Variants in VANGL1 observed in about 807,000 individuals in gnomAD.
VANGL1 encodes vang-like protein 1.
In VANGL1, 18 loss-of-function variants were observed where a neutral mutation model predicts 48.4. The ratio of observed to expected loss-of-function variants is 0.37; its 90% CI spans 0.26 to 0.55. The LOEUF (loss-of-function observed/expected upper bound fraction) is 0.55, where lower values mean the gene tolerates loss of function less well. VANGL1 is among the 20% of genes least tolerant of loss of function. VANGL1 has a pLI of 0.81. For missense variants in VANGL1, 667 were observed against 675.8 expected (o/e 0.99, Z 0.14); for synonymous variants, 257 against 261.8 (o/e 0.98, Z 0.18).
Position 115,663,694 on chromosome 1 carries a change from A to G in VANGL1, c.238A>G (p.Thr80Ala). The G allele has an allele frequency of 6.2e-7, 1 of 1,614,178 alleles. No homozygotes were observed. Among genetic ancestry groups the G allele is most frequent in the Non-Finnish European group, 8.5e-7 (1 of 1,180,032 alleles). ...DNWGETTTAI[T>A]GTSEHSISQE... ...CTGGGGAGAGACCACCACGGCCATCACAGGCACCTCGGAGCACAGCATATC... is the reference window on the plus strand; with the variant it reads ...CTGGGGAGAGACCACCACGGCCATCGCAGGCACCTCGGAGCACAGCATATC... Residue 80 changes from threonine to alanine, a missense_variant, in exon 4 of 8, where the codon ACA becomes GCA. Physicochemically the swap from Thr to Ala is moderately conservative, Grantham distance 58. Coordinates refer to ENST00000355485, the MANE Select transcript of VANGL1 (RefSeq NM_138959.3).
At chr1:115,691,048 A>C (rs1273772285) in intron 7 of VANGL1, 71 bp from the exon 8 acceptor site, 4 of 1,609,926 alleles carry the variant, frequency 2.5e-6, no homozygotes, top group Non-Finnish European at 2.5e-6. Flanking sequence ...GTGAGAGTGG[A>C]TAGCCGCCTG....
rs1652686445 is a variant in VANGL1 at position 115,664,187 on chromosome 1, G to T, written c.731G>T (p.Arg244Met). The stretch of plus-strand genomic sequence containing the variant: ...CTGGCCATCGTCCTGCTGGAGCTCA[G>T]GCAGCTGCAGCCCATGTTCACGCTG... Reference protein sequence around the residue: ...HYLAIVLLELRQLQPMFTLQV... With the variant: ...HYLAIVLLELMQLQPMFTLQV... Residue 244 changes from arginine (R) to methionine (M), a missense_variant, in exon 4 of 8, where the codon AGG becomes ATG. Coordinates refer to ENST00000355485, the MANE Select transcript of VANGL1 (RefSeq NM_138959.3). The T allele has an allele frequency of 1.2e-6, 2 of 1,614,060 alleles. No homozygotes were observed. The highest frequency in any genetic ancestry group is 1.7e-6 in the Non-Finnish European group (2 of 1,179,924).
intron 4 of VANGL1, among the ~76,000 whole-genome samples, chr1:115,665,813 A>T (rs1469072099): frequency 6.6e-6 from 1 of 152,170 alleles, no homozygotes; most frequent in Non-Finnish European, 1.5e-5. Flanking sequence ...TGCATCAGGG[A>T]ATGACCAGCA....
At chr1:115,682,642 G>T in intron 5 of VANGL1, 145 bp downstream of exon 5, 1 of 1,270,564 alleles carries the variant, frequency 7.9e-7, no homozygotes, top group Non-Finnish European at 1.1e-6. Flanking sequence ...TCTTTTTTAT[G>T]TAGGCAGACA....
intron 7 of VANGL1, 144 bp from the exon 8 acceptor site, chr1:115,690,975 A>G (rs1277427232): frequency 6.3e-6 from 7 of 1,118,044 alleles, no homozygotes; most frequent in Admixed American, 6.1e-5. Flanking sequence ...TCTGATGGGA[A>G]TTGAGTGTGA....
chr1:115,686,370 C>CA (rs10667490), intron 7 of VANGL1, among the ~76,000 whole-genome samples: 24,714 of 104,834 alleles, frequency 0.24, 3,315 homozygotes, highest in East Asian at 0.36. Flanking sequence ...AGACTCCGTC[C>CA]AAAAAAAAAA....
chr1:115,689,720 G>A (rs538082064), intron 7 of VANGL1, among the ~76,000 whole-genome samples: 1 of 137,618 alleles, frequency 7.3e-6, no homozygotes, highest in South Asian at 2.5e-4. Context: ...ACTTTGGGAG[G>A]CCAGGCAGGC....
intron 1 of VANGL1, among the ~76,000 whole-genome samples, chr1:115,646,263 T>C (rs1027675597): frequency 1.3e-5 from 2 of 152,204 alleles, no homozygotes; most frequent in African/African-American, 4.8e-5. Context: ...TCTCCCATTG[T>C]TGACCTTGCC....
intron 2 of VANGL1, among the ~76,000 whole-genome samples, chr1:115,653,506 G>A (rs1176495837): frequency 6.6e-6 from 1 of 152,200 alleles, no homozygotes; most frequent in Admixed American, 6.5e-5. Context: ...GTAGGAATTT[G>A]GGATTCCCTG....
At chr1:115,653,027 G>A (rs1449212042) in intron 2 of VANGL1, among the ~76,000 whole-genome samples, 2 of 152,324 alleles carry the variant, frequency 1.3e-5, no homozygotes, top group Middle Eastern at 3.4e-3. Context: ...CATGTTAAAA[G>A]AAACAGGATT....
At chr1:115,654,036 G>C (rs1335975980) in intron 2 of VANGL1, among the ~76,000 whole-genome samples, 6 of 152,128 alleles carry the variant, frequency 3.9e-5, no homozygotes, top group African/African-American at 1.4e-4. Flanking sequence ...GGGCCTAAAG[G>C]ATGTTAAGCA....
intron 4 of VANGL1, among the ~76,000 whole-genome samples, chr1:115,667,207 G>T (rs1652825484): frequency 6.6e-6 from 1 of 152,140 alleles, no homozygotes; most frequent in African/African-American, 2.4e-5. Flanking sequence ...TTTCAAAGAT[G>T]ATTTTATCGA....
chr1:115,679,955 G>A (rs903678978), intron 4 of VANGL1, among the ~76,000 whole-genome samples: 5 of 151,374 alleles, frequency 3.3e-5, no homozygotes, highest in African/African-American at 9.7e-5. Context: ...ATGCACAGGG[G>A]TGGGAGCTGA....
At chr1:115,668,722 G>GTATTCTCTCCTCCTTCTTTTCCTGTA (rs1652875604) in intron 4 of VANGL1, among the ~76,000 whole-genome samples, 1 of 152,084 alleles carries the variant, frequency 6.6e-6, no homozygotes, top group Admixed American at 6.5e-5. Flanking sequence ...TTTTTCCTGT[G>GTATTCTCTCCTCCTTCTTTTCCTGTA]TATTCTCTCC....
chr1:115,647,200 G>A (rs1030202536), intron 1 of VANGL1, among the ~76,000 whole-genome samples: 2 of 142,860 alleles, frequency 1.4e-5, no homozygotes, highest in African/African-American at 6.0e-5. Context: ...AGTCATGTCA[G>A]GGGTCAGTAT....
intron 1 of VANGL1, among the ~76,000 whole-genome samples, chr1:115,643,905 A>T (rs937847378): frequency 6.6e-6 from 1 of 152,074 alleles, no homozygotes; most frequent in East Asian, 1.9e-4. Flanking sequence ...TTTTGGTGGG[A>T]TGGGCCCTTG....
chr1:115,658,188 C>T (rs1230900938), intron 2 of VANGL1, among the ~76,000 whole-genome samples: 1 of 152,178 alleles, frequency 6.6e-6, no homozygotes, highest in East Asian at 1.9e-4. Context: ...CCTCCTGGCT[C>T]TATGAAGGAA....
At chr1:115,657,635 G>A (rs1652398314) in intron 2 of VANGL1, among the ~76,000 whole-genome samples, 1 of 152,160 alleles carries the variant, frequency 6.6e-6, no homozygotes, top group Non-Finnish European at 1.5e-5. Context: ...TAGCTGCCTT[G>A]TTAAAACAAA....
At position 115,659,767 on chromosome 1, in the gene VANGL1, A is replaced by G; in HGVS notation, c.198A>G (p.Glu66=). ...LLGNDSTRTE[E]VQDDNWGETT... is the part of the protein sequence containing the mutation. Reference sequence around the variant, plus strand: ...GAAATGATTCTACTCGGACAGAGGAAGTTCAGGTAAGGATCAAAGGTGGTC... The same window carrying G: ...GAAATGATTCTACTCGGACAGAGGAGGTTCAGGTAAGGATCAAAGGTGGTC... The change falls in exon 3 of 8, where the codon GAA becomes GAG. Residue 66 remains glutamate, a synonymous_variant. Coordinates refer to ENST00000355485, the MANE Select transcript of VANGL1 (RefSeq NM_138959.3). 2 of 1,614,158 alleles carry G rather than the reference A, an allele frequency of 1.2e-6. No individual in the cohort carries two copies. Among genetic ancestry groups the G allele is most frequent in the South Asian group, 2.2e-5 (2 of 91,076 alleles).
Sources: gnomAD v4.1 joint callset for allele counts (sites outside exome capture counted in the v4.1 genomes callset) on GRCh38, gnomAD v4.1.1 for gene constraint, MANE v1.5 for transcripts, NCBI Gene and HGNC (gene_info 2026-07-23, HGNC 2026-07-21) for gene names.